Variants in TYW2 observed in about 807,000 individuals in gnomAD.
TYW2 encodes the protein tRNA wybutosine-synthesizing protein 2 homolog.
At chr8:124,451,169 G>T in the TYW2 span, 1 of 1,614,150 alleles carries the variant, frequency 6.2e-7, no homozygotes, top group Admixed American at 1.7e-5. Flanking sequence ...GTTGCCCCAG[G>T]CAGTCCCTGT....
the TYW2 span, chr8:124,452,104 CA>C: frequency 6.2e-7 from 1 of 1,614,218 alleles, no homozygotes; most frequent in African/African-American, 1.3e-5. Context: ...GCCAGAGTGG[CA>C]AAGGTGGGCA....
chr8:124,451,329 G>A, the TYW2 span: 1 of 1,614,182 alleles, frequency 6.2e-7, no homozygotes, highest in Non-Finnish European at 8.5e-7. Context: ...CCCGATCATG[G>A]CAACGGCATG....
the TYW2 span, chr8:124,451,787 G>T: frequency 2.5e-6 from 4 of 1,614,194 alleles, no homozygotes; most frequent in Non-Finnish European, 3.4e-6. Context: ...GCAGATCGGT[G>T]CCAAATACAC....
the TYW2 span, chr8:124,451,000 A>G: frequency 6.2e-7 from 1 of 1,614,116 alleles, no homozygotes; most frequent in Admixed American, 1.7e-5. Flanking sequence ...CGCAGTTGTG[A>G]CTGAGCCTTG....
chr8:124,451,193 TC>T, the TYW2 span: 1 of 1,614,032 alleles, frequency 6.2e-7, no homozygotes, highest in Non-Finnish European at 8.5e-7. Flanking sequence ...CTCACGCAGC[TC>T]CCGGATCCTG....
At chr8:124,451,837 G>GAT in the TYW2 span, 1 of 1,614,154 alleles carries the variant, frequency 6.2e-7, no homozygotes, top group Non-Finnish European at 8.5e-7. Context: ...AAATATTGCA[G>GAT]ATAGGGTGAT....
chr8:124,451,567 C>G, the TYW2 span: 4 of 1,614,168 alleles, frequency 2.5e-6, no homozygotes, highest in South Asian at 1.1e-5. Context: ...TGACGTGACC[C>G]AGTGTATGTT....
the TYW2 span, chr8:124,451,056 T>C: frequency 5.0e-6 from 8 of 1,614,034 alleles, no homozygotes; most frequent in Non-Finnish European, 6.8e-6. Context: ...AGAAACTCTT[T>C]GATACACAGC....
At chr8:124,451,999 G>C in the TYW2 span, 2 of 1,614,210 alleles carry the variant, frequency 1.2e-6, no homozygotes, top group Non-Finnish European at 1.7e-6. Context: ...AGTAGAGAAA[G>C]AGCATTGGCT....
the TYW2 span, chr8:124,451,501 C>T: frequency 1.2e-6 from 2 of 1,614,178 alleles, no homozygotes; most frequent in South Asian, 2.2e-5. Flanking sequence ...AGTGACACTG[C>T]TGCTGGGTGA....
chr8:124,451,769 A>G, the TYW2 span: 45 of 1,614,174 alleles, frequency 2.8e-5, no homozygotes, highest in African/African-American at 4.0e-5. Context: ...CTTGAGATCA[A>G]TGGAGTAGCA....
At chr8:124,451,679 C>G in the TYW2 span, 59 of 1,614,102 alleles carry the variant, frequency 3.7e-5, no homozygotes, top group Non-Finnish European at 5.0e-5. Context: ...TTTACATTGC[C>G]TTTCCTAGTT....
chr8:124,451,246 TTG>T, the TYW2 span: 1 of 1,614,020 alleles, frequency 6.2e-7, no homozygotes, highest in Non-Finnish European at 8.5e-7. Flanking sequence ...TGCCCAAAAA[TTG>T]TGTCTTGAGG....
chr8:124,452,214 TC>T, the TYW2 span: 15 of 1,614,114 alleles, frequency 9.3e-6, no homozygotes, highest in Non-Finnish European at 1.2e-5. Flanking sequence ...AATCCTATGC[TC>T]CCCATGTGGA....
At chr8:124,450,885 G>C in the TYW2 span, 1 of 1,568,818 alleles carries the variant, frequency 6.4e-7, no homozygotes, top group East Asian at 2.2e-5. Flanking sequence ...AATTTAGTCA[G>C]CCTGGTGAGC....
At chr8:124,451,686 A>G in the TYW2 span, 3 of 1,614,144 alleles carry the variant, frequency 1.9e-6, no homozygotes, top group South Asian at 1.1e-5. Flanking sequence ...TGCCTTTCCT[A>G]GTTCATGCTG....
the TYW2 span, chr8:124,452,449 CAG>C: frequency 4.7e-6 from 3 of 639,522 alleles, no homozygotes; most frequent in Non-Finnish European, 7.8e-6. Context: ...TCATTGATAA[CAG>C]AAAATGAAAT....
the TYW2 span, chr8:124,452,265 A>C: frequency 6.2e-7 from 1 of 1,613,004 alleles, no homozygotes; most frequent in Non-Finnish European, 8.5e-7. Flanking sequence ...CCTGTCCTTC[A>C]GTTGGCTAGA....
chr8:124,451,272 GGA>G, the TYW2 span: 1 of 1,614,200 alleles, frequency 6.2e-7, no homozygotes, highest in Non-Finnish European at 8.5e-7. Flanking sequence ...GTCGCTGGGT[GGA>G]GGGTCGGGGA....
Sources: gnomAD v4.1 joint callset for allele counts on GRCh38, gnomAD v4.1.1 for gene constraint, MANE v1.5 for transcripts, NCBI Gene and HGNC (gene_info 2026-07-23, HGNC 2026-07-21) for gene names.